The following PTH2R variants were observed in gnomAD, a reference collection of about 807,000 sequenced individuals.
PTH2R encodes PTH2 receptor.
Under a neutral mutation model 60.3 loss-of-function variants are expected in PTH2R, and 59 were observed. That is an observed-to-expected ratio of 0.98 (90% CI 0.79 to 1.22). PTH2R has a LOEUF of 1.22. Ranked by LOEUF, PTH2R falls within the 50% of genes most tolerant of loss-of-function variation. PTH2R has a pLI of 0.00. For missense variants in PTH2R, 749 were observed against 682.6 expected (o/e 1.10, Z -1.08); for synonymous variants, 256 against 243.8 (o/e 1.05, Z -0.47).
intron 1 of PTH2R, among the ~76,000 whole-genome samples, chr2:208,409,441 C>T (rs1018646809): frequency 2.6e-5 from 4 of 152,114 alleles, no homozygotes; most frequent in African/African-American, 9.7e-5. Context: ...ATATTATTAG[C>T]TTAAGTATGA....
upstream of PTH2R, among the ~76,000 whole-genome samples, chr2:208,402,213 G>A (rs546207292): frequency 2.0e-5 from 3 of 152,122 alleles, no homozygotes; most frequent in Non-Finnish European, 4.4e-5. Flanking sequence ...CTTTGTCATA[G>A]CTTCTGAGAA....
At chr2:208,389,687 T>C (rs1490753580) in intron 1 of PTH2R, among the ~76,000 whole-genome samples, 2 of 152,200 alleles carry the variant, frequency 1.3e-5, no homozygotes, top group African/African-American at 4.8e-5. Flanking sequence ...TGCCAAACAT[T>C]GATGTTTTAT....
At chr2:208,449,112 A>T (rs1702347280) in intron 7 of PTH2R, among the ~76,000 whole-genome samples, 1 of 152,224 alleles carries the variant, frequency 6.6e-6, no homozygotes, top group South Asian at 2.1e-4. Flanking sequence ...ACAGGCAGAC[A>T]CTTTTTGAAG....
intron 9 of PTH2R, among the ~76,000 whole-genome samples, chr2:208,463,259 A>C (rs1392972154): frequency 6.6e-6 from 1 of 151,744 alleles, no homozygotes; most frequent in Non-Finnish European, 1.5e-5. Flanking sequence ...AACATGCTAC[A>C]CTGTTCCCAC....
chr2:208,471,343 G>A (rs1702875088), intron 9 of PTH2R, among the ~76,000 whole-genome samples: 2 of 152,206 alleles, frequency 1.3e-5, no homozygotes, highest in Non-Finnish European at 2.9e-5. Context: ...AGGCCTGGAG[G>A]TTTAGGAGGA....
intron 1 of PTH2R, among the ~76,000 whole-genome samples, chr2:208,409,181 T>C (rs1701489520): frequency 6.6e-6 from 1 of 152,228 alleles, no homozygotes; most frequent in African/African-American, 2.4e-5. Context: ...ATTTGCCGAA[T>C]TTTTGACATT....
Position 208,388,321 on chromosome 2 carries a change from A to G in PTH2R, c.-259+28084A>G, listed in dbSNP as rs980799806. On this transcript the variant is annotated intron_variant, in intron 1 of 12. Transcript: ENST00000617735. ...GACAGAGCGAGACTCCTTCTCAAAA[A>G]CAAAAACAAACAAAAAAAAACTTCA... Among the ~76,000 whole-genome samples, 6 of 152,074 alleles carry G rather than the reference A, an allele frequency of 3.9e-5. No individual in the cohort carries two copies. The South Asian group carries it at 1.2e-3, about 32-fold the overall frequency.
At chr2:208,377,714 A>C (rs1463522106) in intron 1 of PTH2R, among the ~76,000 whole-genome samples, 1 of 135,448 alleles carries the variant, frequency 7.4e-6, no homozygotes, top group African/African-American at 3.0e-5. Context: ...CCGGGCAGAG[A>C]CGCTCCTCAC....
intron 1 of PTH2R, among the ~76,000 whole-genome samples, chr2:208,411,694 G>A (rs1701542306): frequency 6.6e-6 from 1 of 151,984 alleles, no homozygotes; most frequent in African/African-American, 2.4e-5. Flanking sequence ...TTTCCCCTCT[G>A]TTTTGTTTTT....
chr2:208,367,176 C>T lies in PTH2R; in HGVS notation c.-259+6939C>T, dbSNP rs1374595043. ...TGGTGCAGTCTCTGCTCACTGCAGC[C>T]TCTGCCTCCTGGGTTCAAGCGATTC... On this transcript the variant is annotated intron_variant, in intron 1 of 12. Transcript: ENST00000617735. Among the ~76,000 whole-genome samples, 3 of 152,040 alleles carry T rather than the reference C, an allele frequency of 2.0e-5. No homozygotes were observed. In the South Asian group the frequency reaches 6.2e-4, roughly 32 times the overall value.
chr2:208,466,233 G>A (rs1425529958), intron 9 of PTH2R: 1 of 152,582 alleles, frequency 6.6e-6, no homozygotes, highest in Non-Finnish European at 1.5e-5. Context: ...CATCATAGTG[G>A]ATTGTCAAGC....
intron 1 of PTH2R, among the ~76,000 whole-genome samples, chr2:208,419,810 A>G (rs1177150411): frequency 1.3e-5 from 2 of 152,150 alleles, no homozygotes; most frequent in Non-Finnish European, 2.9e-5. Context: ...TTTTTAAATC[A>G]TGCTGCTATA....
intron 9 of PTH2R, among the ~76,000 whole-genome samples, chr2:208,474,257 A>G (rs368836509): frequency 1.2e-4 from 9 of 73,372 alleles, no homozygotes; most frequent in African/African-American, 5.2e-4. Context: ...GCATTCAGTA[A>G]ATAGTAGCCT....
Position 208,493,340 on chromosome 2 carries a change from G to A in PTH2R, c.1334G>A (p.Ser445Asn), listed in dbSNP as rs1258843567. 6.4e-7 allele frequency: 1 copy of A among 1,568,412 alleles called. No homozygotes were observed. The highest frequency in any genetic ancestry group is 1.9e-5 in the Admixed American group (1 of 54,016). ...TGGAAAAGGACACCGCCATGTGGCA[G>A]CCGCAGATGCGGCTCAGTGCTCACC... ...VDWKRTPPCG[S>N]RRCGSVLTTV... The change falls in exon 13 of 13, where the codon AGC becomes AAC. Residue 445 changes from serine (S) to asparagine (N), a missense_variant. Transcript: ENST00000272847.
rs538511785 is a variant in PTH2R at position 208,490,790 on chromosome 2, G to A, written c.1257+110G>A. On this transcript the variant is annotated intron_variant, in intron 12 of 12. Transcript: ENST00000272847. ...AGGATTTCCAGGATGGAATGGGTGA[G>A]GAGAAGGAAGCTATTTTAATCATAA... 47 of 968,096 alleles carry A rather than the reference G, an allele frequency of 4.9e-5. No individual in the cohort carries two copies. In the South Asian group the frequency reaches 8.7e-4, roughly 18 times the overall value. The allele number at this position is 968,096 out of a possible 1,614,324, so 60.0% of individuals were successfully genotyped here.
Position 208,493,305 on chromosome 2 carries a change from C to T in PTH2R, c.1299C>T (p.Leu433=). ...AGAAGATGTGGAGTCGGTGGAACCT[C>T]TCCGTGGACTGGAAAAGGACACCGC... The part of the protein sequence containing the change: ...EVKKMWSRWN[L]SVDWKRTPPC... Residue 433 remains leucine (L), a synonymous_variant, in exon 13 of 13, where the codon CTC becomes CTT. Coordinates refer to ENST00000272847, the MANE Select transcript of PTH2R (RefSeq NM_005048.4). 2.0e-6 allele frequency: 3 copies of T among 1,533,936 alleles called. No homozygotes were observed. The highest frequency in any genetic ancestry group is 2.6e-6 in the Non-Finnish European group (3 of 1,137,936).
At position 208,406,832 on chromosome 2, in the gene PTH2R, G is replaced by A. The variant is rs558110132; in HGVS notation, c.-212G>A. 1 of 390,828 alleles carries A rather than the reference G, an allele frequency of 2.6e-6. No individual in the cohort carries two copies. The highest frequency in any genetic ancestry group is 3.7e-5 in the East Asian group (1 of 27,300). The allele number at this position is 390,828 out of a possible 1,614,324, so 24.2% of individuals were successfully genotyped here. ...CTCTCCGGAAGACAAGACCAACCTCGCGCCGCGGCGCAGCAGCACGCGGGT... is the reference window on the plus strand; with the variant it reads ...CTCTCCGGAAGACAAGACCAACCTCACGCCGCGGCGCAGCAGCACGCGGGT... On this transcript the variant is annotated 5_prime_UTR_variant, in exon 1 of 13. Transcript: ENST00000272847.
At chr2:208,472,774 A>C (rs1446950043) in intron 9 of PTH2R, among the ~76,000 whole-genome samples, 1 of 152,194 alleles carries the variant, frequency 6.6e-6, no homozygotes, top group Non-Finnish European at 1.5e-5. Context: ...CATCTGATGA[A>C]TAAATGTTTG....
chr2:208,431,167 A>G (rs775827991), intron 2 of PTH2R, among the ~76,000 whole-genome samples: 3 of 152,014 alleles, frequency 2.0e-5, no homozygotes, highest in Non-Finnish European at 4.4e-5. Flanking sequence ...TATATTTTCC[A>G]GTTTGCCAGC....
Sources: gnomAD v4.1 joint callset for allele counts (sites outside exome capture counted in the v4.1 genomes callset) on GRCh38, gnomAD v4.1.1 for gene constraint, MANE v1.5 for transcripts, NCBI Gene and HGNC (gene_info 2026-07-23, HGNC 2026-07-21) for gene names.